Variants in CDK13 observed in about 807,000 individuals in gnomAD.
CDK13 encodes cyclin dependent kinase 13.
CDK13 carries 40 observed loss-of-function variants against 137.6 expected under a neutral mutation model. The observed-to-expected ratio is 0.29, with a 90% CI of 0.23 to 0.38. The LOEUF (loss-of-function observed/expected upper bound fraction) is 0.38. CDK13 is among the 10% of genes least tolerant of loss of function. The pLI, the probability that CDK13 is intolerant of heterozygous loss-of-function variation, is 1.00. For missense variants in CDK13, 1,704 were observed against 1,951.8 expected (o/e 0.87, Z 2.39); for synonymous variants, 869 against 760.1 (o/e 1.14, Z -2.36).
chr7:40,079,138 C>T (rs1786609137), intron 11 of CDK13, among the ~76,000 whole-genome samples: 1 of 151,298 alleles, frequency 6.6e-6, no homozygotes, highest in Non-Finnish European at 1.5e-5. Flanking sequence ...AATATTACTG[C>T]TGCCGGGCGC....
intron 5 of CDK13, among the ~76,000 whole-genome samples, chr7:40,030,514 CCTCAGCCTCCTGAGCAGCT>C (rs1417592114): frequency 3.4e-5 from 5 of 148,600 alleles, no homozygotes; most frequent in African/African-American, 1.2e-4. Context: ...CTCACTGCAA[CCTCAGCCTCCTGAGCAGCT>C]GGGATTACAG....
At chr7:40,081,272 G>C (rs1044959158) in intron 11 of CDK13, among the ~76,000 whole-genome samples, 1 of 152,064 alleles carries the variant, frequency 6.6e-6, no homozygotes, top group Non-Finnish European at 1.5e-5. Context: ...ATGTTACTTT[G>C]TACCATTATT....
chr7:40,072,926 TAAAAC>T (rs1186486638), intron 9 of CDK13: 3 of 152,060 alleles, frequency 2.0e-5, no homozygotes, highest in Non-Finnish European at 4.4e-5. Context: ...TCAAAACTGA[TAAAAC>T]TAAAGCACTC....
At chr7:40,022,650 CTTT>C (rs11336630) in intron 5 of CDK13, among the ~76,000 whole-genome samples, 4 of 141,190 alleles carry the variant, frequency 2.8e-5, no homozygotes, top group African/African-American at 5.1e-5. Flanking sequence ...GAGGAAGTAT[CTTT>C]TTTTTTTTTT....
intron 1 of CDK13, among the ~76,000 whole-genome samples, chr7:39,961,664 T>C (rs1461580373): frequency 3.3e-5 from 5 of 152,258 alleles, no homozygotes; most frequent in African/African-American, 1.2e-4. Context: ...ACTTTAAGTT[T>C]TAGGGTACAT....
chr7:40,091,342 C>T (rs1049147211), intron 12 of CDK13, among the ~76,000 whole-genome samples: 2 of 148,180 alleles, frequency 1.3e-5, no homozygotes, highest in South Asian at 2.2e-4. Context: ...GGCGAGACTC[C>T]GTCTCAAAAA....
intron 13 of CDK13, among the ~76,000 whole-genome samples, 177 bp from the exon 14 acceptor site, chr7:40,093,953 C>T (rs902013394): frequency 2.7e-5 from 4 of 147,560 alleles, no homozygotes; most frequent in Non-Finnish European, 6.0e-5. Flanking sequence ...AAGCCATATA[C>T]AGTAAAATTT....
In CDK13 at chr7:40,093,334, C is replaced by A. The variant is rs17496756; in HGVS notation, c.3688+97C>A. The A allele has an allele frequency of 3.2e-3, 3,155 of 985,976 alleles. 10 individuals carry two copies. The highest frequency in any genetic ancestry group is 7.1e-3 in the Middle Eastern group (33 of 4,620). The allele number at this position is 985,976 out of a possible 1,614,324, so 61.1% of individuals were successfully genotyped here. Reference sequence around the variant, plus strand: ...AATGTGTATAGTTCAGTGACATTGCCAAAAGATGTCCTGAAGAATCTCAGG... The same window carrying A: ...AATGTGTATAGTTCAGTGACATTGCAAAAAGATGTCCTGAAGAATCTCAGG... On this transcript the variant is annotated intron_variant, in intron 13 of 13. Transcript: ENST00000181839.
At chr7:39,989,882 A>C (rs1236557130) in intron 2 of CDK13, among the ~76,000 whole-genome samples, 3 of 150,018 alleles carry the variant, frequency 2.0e-5, no homozygotes, top group Non-Finnish European at 4.4e-5. Flanking sequence ...TCCTGGGTTC[A>C]TGCCGTTCTT....
At chr7:40,078,281 TTAC>T in intron 10 of CDK13, 160 bp downstream of exon 10, 1 of 430,922 alleles carries the variant, frequency 2.3e-6, no homozygotes. Flanking sequence ...GATTACCATT[TTAC>T]CATTATTATG....
Position 39,988,134 on chromosome 7 carries a change from A to G in CDK13, c.1747A>G (p.Lys583Glu). ...TKEESVSLKE[K>E]TKPLTPSIGA... The stretch of plus-strand genomic sequence containing the variant: ...GGAGGAATCAGTATCTCTTAAAGAG[A>G]AAACCAAACCACTTACACCAAGCAT... The change falls in exon 2 of 14, where the codon AAA becomes GAA. Residue 583 changes from lysine (K) to glutamate (E), a missense_variant. Transcript: ENST00000181839. The G allele has an allele frequency of 6.2e-7, 1 of 1,614,146 alleles. No individual in the cohort carries two copies. The highest frequency in any genetic ancestry group is 8.5e-7 in the Non-Finnish European group (1 of 1,180,034).
intron 11 of CDK13, among the ~76,000 whole-genome samples, chr7:40,083,438 GT>G (rs1786715424): frequency 6.6e-6 from 1 of 152,032 alleles, no homozygotes. Context: ...ACTTGTTACT[GT>G]TTCTTTTCAC....
At chr7:40,062,238 G>A (rs1476202490) in intron 7 of CDK13, 1 of 152,318 alleles carries the variant, frequency 6.6e-6, no homozygotes, top group Non-Finnish European at 1.5e-5. Flanking sequence ...CTCAACAATT[G>A]AGTTGATACT....
chr7:40,005,930 C>A (rs1042489922), intron 5 of CDK13, among the ~76,000 whole-genome samples: 9 of 152,020 alleles, frequency 5.9e-5, no homozygotes, highest in African/African-American at 1.9e-4. Context: ...TTGTCATGTT[C>A]CCCAAGGCCG....
chr7:39,976,935 A>G (rs912091323), intron 1 of CDK13, among the ~76,000 whole-genome samples: 27 of 152,150 alleles, frequency 1.8e-4, no homozygotes, highest in Non-Finnish European at 3.5e-4. Flanking sequence ...ACAACAATGA[A>G]TTAGACTCGG....
intron 7 of CDK13, among the ~76,000 whole-genome samples, chr7:40,053,820 A>G (rs898144818): frequency 4.7e-5 from 7 of 150,526 alleles, no homozygotes; most frequent in Non-Finnish European, 1.0e-4. Context: ...GTTTGTGTAC[A>G]TCACTTTATT....
At chr7:39,998,479 TGTG>T (rs1583967922) in intron 3 of CDK13, 2 of 82,896 alleles carry the variant, frequency 2.4e-5, no homozygotes, top group African/African-American at 4.9e-5. Flanking sequence ...AAAAGCCGGG[TGTG>T]GTGGTGCATG....
chr7:40,038,717 C>A (rs569887598), intron 5 of CDK13, among the ~76,000 whole-genome samples: 2 of 151,998 alleles, frequency 1.3e-5, no homozygotes, highest in Non-Finnish European at 2.9e-5. Context: ...TATTTTGAGA[C>A]GGAGTTTCGC....
intron 1 of CDK13, among the ~76,000 whole-genome samples, chr7:39,971,740 G>A (rs575325420): frequency 5.9e-4 from 90 of 152,066 alleles, no homozygotes; most frequent in Non-Finnish European, 1.0e-3. Context: ...AAAATTAGCC[G>A]GACGTGGTGG....
Sources: gnomAD v4.1 joint callset for allele counts (sites outside exome capture counted in the v4.1 genomes callset) on GRCh38, gnomAD v4.1.1 for gene constraint, MANE v1.5 for transcripts, NCBI Gene and HGNC (gene_info 2026-07-23, HGNC 2026-07-21) for gene names.